The following UBE4A variants were observed in gnomAD, a reference collection of about 807,000 sequenced individuals.
The protein encoded by UBE4A is ubiquitination factor E4A, also known as ubiquitin conjugation factor E4 A.
In UBE4A, 48 loss-of-function variants were observed where a neutral mutation model predicts 117.9. That is an observed-to-expected ratio of 0.41 (90% CI 0.32 to 0.52). The LOEUF (loss-of-function observed/expected upper bound fraction) is 0.52, where lower values mean the gene tolerates loss of function less well. UBE4A is among the 20% of genes least tolerant of loss of function. UBE4A has a pLI of 0.33. For missense variants in UBE4A, 1,067 were observed against 1,296.3 expected (o/e 0.82, Z 2.72); for synonymous variants, 407 against 450.0 (o/e 0.90, Z 1.21).
At chr11:118,359,845 T>C (rs927911418) in intron 1 of UBE4A, among the ~76,000 whole-genome samples, 171 bp downstream of exon 1, 6 of 152,188 alleles carry the variant, frequency 3.9e-5, no homozygotes, top group African/African-American at 9.7e-5. Context: ...CTGTCTGATT[T>C]GGAACCCCTT....
intron 12 of UBE4A, among the ~76,000 whole-genome samples, chr11:118,381,981 G>A (rs1459202070): frequency 6.6e-6 from 1 of 152,154 alleles, no homozygotes; most frequent in African/African-American, 2.4e-5. Context: ...ACTGTGACTT[G>A]TAGAATTGCT....
Position 118,396,507 on chromosome 11 carries a change from T to G in UBE4A, c.*67T>G. 1 of 1,525,706 alleles carries G rather than the reference T, an allele frequency of 6.6e-7. No individual in the cohort carries two copies. Among genetic ancestry groups the G allele is most frequent in the Non-Finnish European group, 8.8e-7 (1 of 1,139,642 alleles). The allele number at this position is 1,525,706 out of a possible 1,614,324, so 94.5% of individuals were successfully genotyped here. A position where few individuals can be genotyped will look rare whatever the true frequency, so the allele number is the denominator to read the frequency against. ...GATAAACAATTGTTTGTGGTTTCTCTCTTTCTGGTTCTGTTCCTTTTCTTT... is the reference window on the plus strand; with the variant it reads ...GATAAACAATTGTTTGTGGTTTCTCGCTTTCTGGTTCTGTTCCTTTTCTTT... On this transcript the variant is annotated 3_prime_UTR_variant, in exon 20 of 20. Coordinates refer to ENST00000252108, the MANE Select transcript of UBE4A (RefSeq NM_001204077.2).
chr11:118,391,964 T>G (rs1048737373), intron 18 of UBE4A, among the ~76,000 whole-genome samples: 1 of 152,318 alleles, frequency 6.6e-6, no homozygotes, highest in East Asian at 1.9e-4. Context: ...TGAGTAGTTT[T>G]CAGTCATTAA....
chr11:118,396,472 C>T lies in UBE4A; in HGVS notation c.*32C>T, dbSNP rs782005140. 2 of 1,601,326 alleles carry T rather than the reference C, an allele frequency of 1.2e-6. No individual in the cohort carries two copies. The highest frequency in any genetic ancestry group is 8.5e-7 in the Non-Finnish European group (1 of 1,174,892). On this transcript the variant is annotated 3_prime_UTR_variant, in exon 20 of 20. Transcript: ENST00000252108. ...TGAACTAACCAAACCAAAACCAACC[C>T]CAGAGTGCAGATAAACAATTGTTTG... is the stretch of plus-strand genomic sequence containing the variant.
chr11:118,389,306 G>C (rs576042167), intron 16 of UBE4A, among the ~76,000 whole-genome samples: 84 of 152,308 alleles, frequency 5.5e-4, no homozygotes, highest in Middle Eastern at 3.4e-3. Context: ...TGGCTACTAT[G>C]TTGGATAGCA....
At chr11:118,388,456 C>G (rs1948780127) in intron 16 of UBE4A, among the ~76,000 whole-genome samples, 1 of 152,024 alleles carries the variant, frequency 6.6e-6, no homozygotes, top group Non-Finnish European at 1.5e-5. Context: ...CGAGACCAGC[C>G]TGGCCAACAT....
At chr11:118,390,933 T>C (rs558502439) in intron 18 of UBE4A, 129 bp downstream of exon 18, 5 of 1,219,302 alleles carry the variant, frequency 4.1e-6, no homozygotes, top group South Asian at 1.4e-5. Context: ...GCCCAGGAGT[T>C]TGAAGCTGCA....
chr11:118,369,017 C>G (rs1948587295), intron 3 of UBE4A, among the ~76,000 whole-genome samples: 1 of 152,178 alleles, frequency 6.6e-6, no homozygotes, highest in African/African-American at 2.4e-5. Flanking sequence ...TCAATACTGA[C>G]TGCACTATAT....
Position 118,369,445 on chromosome 11 carries a change from G to A in UBE4A, c.318G>A (p.Gly106=). ...CAGGTGATCCCAGCTTGAAAAGCGG[G>A]AATGGCATCCCTAGCCGTTGTGTGT... ...LDNSDPSLKS[G]NGIPSRCVYL... Residue 106 remains glycine, a synonymous_variant, in exon 4 of 20, where the codon GGG becomes GGA. Transcript: ENST00000252108. The A allele has an allele frequency of 6.2e-7, 1 of 1,614,148 alleles. No homozygotes were observed. The highest frequency in any genetic ancestry group is 8.5e-7 in the Non-Finnish European group (1 of 1,180,010).
chr11:118,396,601 T>C lies in UBE4A; in HGVS notation c.*161T>C. 1 of 823,146 alleles carries C rather than the reference T, an allele frequency of 1.2e-6. No homozygotes were observed. Among genetic ancestry groups the C allele is most frequent in the Non-Finnish European group, 1.7e-6 (1 of 582,638 alleles). The allele number at this position is 823,146 out of a possible 1,614,324, so 51.0% of individuals were successfully genotyped here. On this transcript the variant is annotated 3_prime_UTR_variant, in exon 20 of 20. Transcript: ENST00000252108. ...AGAACTGCTCTTGCTGAAATTATGA[T>C]AGTTAAGATTCCTAAGAACTTGACA...
intron 15 of UBE4A, among the ~76,000 whole-genome samples, chr11:118,385,970 G>T (rs1179371166): frequency 1.3e-5 from 2 of 152,182 alleles, no homozygotes; most frequent in Admixed American, 1.3e-4. Flanking sequence ...GATGACGTGA[G>T]GTAGAGAGTT....
chr11:118,388,979 A>T (rs1196914874), intron 16 of UBE4A, among the ~76,000 whole-genome samples: 1 of 152,080 alleles, frequency 6.6e-6, no homozygotes, highest in Non-Finnish European at 1.5e-5. Flanking sequence ...AAAAATAAAA[A>T]ATAATTTTTT....
chr11:118,392,967 C>A lies in UBE4A; in HGVS notation c.3074+72C>A. The A allele has an allele frequency of 2.7e-6, 4 of 1,487,180 alleles. No individual in the cohort carries two copies. In the South Asian group the frequency reaches 5.1e-5, roughly 19 times the overall value. 92.1% of individuals were successfully genotyped at this position (1,487,180 alleles called of 1,614,324 possible). On this transcript the variant is annotated intron_variant, in intron 19 of 19. Transcript: ENST00000252108. ...TTTGCTATCTTTTTCTCCCAGGCAC[C>A]TAAGACAGTACTTTGCACCCAACAC...
At position 118,390,852 on chromosome 11, in the gene UBE4A, G is replaced by A. The variant is rs782807810; in HGVS notation, c.2916+48G>A. ...TGCTGATTTCATTAAGAACCACGTTGTCAGCCAGGCATGATGGCTCAAGCC... is the reference window on the plus strand; with the variant it reads ...TGCTGATTTCATTAAGAACCACGTTATCAGCCAGGCATGATGGCTCAAGCC... On this transcript the variant is annotated intron_variant, in intron 18 of 19. Transcript: ENST00000252108. The A allele has an allele frequency of 3.1e-6, 5 of 1,596,068 alleles. No homozygotes were observed. In the African/African-American group the frequency reaches 5.4e-5, roughly 17 times the overall value.
intron 11 of UBE4A, among the ~76,000 whole-genome samples, chr11:118,380,134 CGTGTGTGTGTGTGTGTGTGTGT>C (rs55892936): frequency 1.8e-4 from 25 of 137,046 alleles, no homozygotes; most frequent in Middle Eastern, 3.7e-3. Context: ...TGTGTGTGTG[CGTGTGTGTGTGTGTGTGTGTGT>C]GTGTGTGTGT....
chr11:118,389,944 TGTTTTGATTTAGG>T, intron 17 of UBE4A, 39 bp downstream of exon 17: 2 of 1,493,294 alleles, frequency 1.3e-6, no homozygotes, highest in Non-Finnish European at 1.8e-6. Context: ...GAGGGGATGC[TGTTTTGATTTAGG>T]GTTTTGATAG....
chr11:118,386,656 A>G (rs782258525), intron 16 of UBE4A, 44 bp downstream of exon 16: 2 of 1,482,028 alleles, frequency 1.3e-6, no homozygotes, highest in Non-Finnish European at 1.8e-6. Context: ...AGTAATGGCC[A>G]AGATCAGCTT....
intron 5 of UBE4A, 23 bp from the exon 6 acceptor site, chr11:118,372,484 T>A: frequency 2.5e-6 from 4 of 1,595,176 alleles, no homozygotes; most frequent in Non-Finnish European, 3.4e-6. Context: ...GACTATTCCC[T>A]CTTTTCTTCA....
chr11:118,392,990 C>T (rs1306323466), intron 19 of UBE4A, 95 bp downstream of exon 19: 3 of 1,188,218 alleles, frequency 2.5e-6, no homozygotes, highest in African/African-American at 3.1e-5. Flanking sequence ...TTGCACCCAA[C>T]ACATACCACA....
Sources: gnomAD v4.1 joint callset for allele counts (sites outside exome capture counted in the v4.1 genomes callset) on GRCh38, gnomAD v4.1.1 for gene constraint, MANE v1.5 for transcripts, NCBI Gene and HGNC (gene_info 2026-07-23, HGNC 2026-07-21) for gene names.